Variants in FSHR observed in about 807,000 individuals in gnomAD.
FSHR encodes follicle stimulating hormone receptor.
A neutral mutation model predicts 52.1 loss-of-function variants in FSHR; 46 were observed. The observed-to-expected ratio is 0.88, with a 90% CI of 0.70 to 1.13. The LOEUF (loss-of-function observed/expected upper bound fraction) is 1.13. FSHR is among the 50% of genes most tolerant of loss of function. FSHR has a pLI of 0.00. For synonymous variants in FSHR, 399 were observed against 309.6 expected, an observed-to-expected ratio of 1.29 and a Z score of -3.03; for missense variants, 964 against 834.6, an observed-to-expected ratio of 1.16 and a Z score of -1.91.
chr2:49,025,730 C>G (rs72827275), intron 2 of FSHR, among the ~76,000 whole-genome samples: 8,319 of 152,192 alleles, frequency 0.055, 287 homozygotes, highest in Non-Finnish European at 0.066. Flanking sequence ...TAGAGAAATT[C>G]AGGTTATTCC....
chr2:49,140,107 G>C (rs1326046482), intron 1 of FSHR, among the ~76,000 whole-genome samples: 1 of 152,108 alleles, frequency 6.6e-6, no homozygotes, highest in Non-Finnish European at 1.5e-5. Context: ...CATCACATCT[G>C]ACGTAGTTTG....
At chr2:49,094,754 A>T (rs1414602659) in intron 1 of FSHR, among the ~76,000 whole-genome samples, 2 of 152,116 alleles carry the variant, frequency 1.3e-5, no homozygotes, top group Non-Finnish European at 2.9e-5. Flanking sequence ...AACTTTAAGA[A>T]ATTAGAGAAA....
chr2:48,998,362 A>G (rs961807336), intron 4 of FSHR, among the ~76,000 whole-genome samples: 3 of 152,160 alleles, frequency 2.0e-5, no homozygotes, highest in Non-Finnish European at 4.4e-5. Flanking sequence ...TATTGCTGAA[A>G]GTGATGTATG....
At chr2:49,116,993 G>A (rs1042037475) in intron 1 of FSHR, among the ~76,000 whole-genome samples, 1 of 152,210 alleles carries the variant, frequency 6.6e-6, no homozygotes, top group Non-Finnish European at 1.5e-5. Context: ...AAGCTTGGGA[G>A]AGGGAAGCAT....
chr2:49,021,859 CTCTCTATA>C (rs1434730602), intron 2 of FSHR, among the ~76,000 whole-genome samples: 5 of 38,378 alleles, frequency 1.3e-4, no homozygotes, highest in East Asian at 2.0e-3. Flanking sequence ...CTCTCTCTCT[CTCTCTATA>C]TATATATATA....
rs1198964494 is a variant in FSHR, at chr2:49,048,950, C to T, written c.224+19269G>A. 5.9e-5 allele frequency among the ~76,000 whole-genome samples: 9 copies of T among 151,934 alleles called. No individual in the cohort carries two copies. The East Asian group carries it at 1.7e-3, about 29-fold the overall frequency. On this transcript the variant is annotated intron_variant, in intron 2 of 9. Coordinates refer to ENST00000406846, the MANE Select transcript of FSHR (RefSeq NM_000145.4). Reference sequence around the variant, plus strand: ...AAGCATCTTATTAAGTCATACACAGCCCAGATGGATGTGGTTGTGATGGGC... The same window carrying T: ...AAGCATCTTATTAAGTCATACACAGTCCAGATGGATGTGGTTGTGATGGGC...
intron 1 of FSHR, among the ~76,000 whole-genome samples, chr2:49,108,538 C>A (rs1671316522): frequency 6.6e-6 from 1 of 152,118 alleles, no homozygotes; most frequent in Admixed American, 6.6e-5. Context: ...GATCTGGCTG[C>A]AAACTAGGCA....
At chr2:49,038,582 G>A (rs912084106) in intron 2 of FSHR, among the ~76,000 whole-genome samples, 2 of 147,108 alleles carry the variant, frequency 1.4e-5, no homozygotes, top group South Asian at 2.2e-4. Flanking sequence ...CCGAGATCGC[G>A]CCACTGCACT....
At chr2:49,048,779 T>C (rs1668751615) in intron 2 of FSHR, among the ~76,000 whole-genome samples, 1 of 152,140 alleles carries the variant, frequency 6.6e-6, no homozygotes, top group Admixed American at 6.6e-5. Flanking sequence ...AAACACATCT[T>C]TGGTCATTTG....
At chr2:49,093,718 C>A (rs1221559827) in intron 1 of FSHR, among the ~76,000 whole-genome samples, 3 of 151,778 alleles carry the variant, frequency 2.0e-5, no homozygotes, top group African/African-American at 7.3e-5. Context: ...CCTCAGCCAC[C>A]CAAGCAGCTA....
intron 2 of FSHR, among the ~76,000 whole-genome samples, chr2:49,034,745 C>T (rs985854581): frequency 6.6e-6 from 1 of 152,128 alleles, no homozygotes; most frequent in Non-Finnish European, 1.5e-5. Context: ...TCCCTTTTCT[C>T]CTTGCCATTA....
At chr2:48,975,799 G>A (rs1380590786) in intron 8 of FSHR, among the ~76,000 whole-genome samples, 2 of 152,136 alleles carry the variant, frequency 1.3e-5, no homozygotes, top group East Asian at 1.9e-4. Context: ...GTCTATTATT[G>A]GTGTATAGGA....
chr2:49,031,379 A>G (rs879919543), intron 2 of FSHR, among the ~76,000 whole-genome samples: 1 of 152,208 alleles, frequency 6.6e-6, no homozygotes, highest in South Asian at 2.1e-4. Context: ...TGTTTTTCCA[A>G]TGACCCTGAA....
intron 6 of FSHR, among the ~76,000 whole-genome samples, chr2:48,986,126 C>G (rs965982670): frequency 5.3e-5 from 8 of 152,116 alleles, no homozygotes; most frequent in African/African-American, 1.9e-4. Context: ...TTGTGATCCT[C>G]TCTCTCCTCC....
intron 2 of FSHR, among the ~76,000 whole-genome samples, chr2:49,028,156 G>A (rs983162846): frequency 1.7e-4 from 26 of 152,224 alleles, no homozygotes; most frequent in African/African-American, 6.0e-4. Flanking sequence ...GACAGGGACA[G>A]TAAAGTGGCC....
intron 1 of FSHR, among the ~76,000 whole-genome samples, chr2:49,103,411 G>T (rs375924215): frequency 4.6e-5 from 7 of 152,264 alleles, no homozygotes; most frequent in African/African-American, 1.7e-4. Context: ...ACAAACGTAA[G>T]GCCTATTTCA....
intron 4 of FSHR, among the ~76,000 whole-genome samples, chr2:49,015,285 T>C (rs1446854962): frequency 6.6e-6 from 1 of 152,194 alleles, no homozygotes; most frequent in Non-Finnish European, 1.5e-5. Context: ...CTTCCTCTTT[T>C]TGAACCCTTG....
At position 49,076,307 on chromosome 2, in the gene FSHR, G is replaced by A. The variant is rs767724793; in HGVS notation, c.153-8017C>T. On this transcript the variant is annotated intron_variant, in intron 1 of 9. Coordinates refer to ENST00000406846, the MANE Select transcript of FSHR (RefSeq NM_000145.4). Reference sequence around the variant, plus strand: ...AGGCCTCACAATCATGACAGAAGGCGAGGAGCAAGTCATGTTCTACATGGA... The same window carrying A: ...AGGCCTCACAATCATGACAGAAGGCAAGGAGCAAGTCATGTTCTACATGGA... 7.9e-5 allele frequency among the ~76,000 whole-genome samples: 12 copies of A among 152,332 alleles called. 1 individual carries two copies. The highest frequency in any genetic ancestry group is 7.7e-4 in the East Asian group (4 of 5,180).
chr2:49,132,968 TA>T (rs34913428), intron 1 of FSHR, among the ~76,000 whole-genome samples: 11,806 of 48,252 alleles, frequency 0.24, 1,315 homozygotes, highest in Admixed American at 0.27. Context: ...TAAAACTCAG[TA>T]AAAAAAAAAA....
Sources: gnomAD v4.1 joint callset for allele counts (sites outside exome capture counted in the v4.1 genomes callset) on GRCh38, gnomAD v4.1.1 for gene constraint, MANE v1.5 for transcripts, NCBI Gene and HGNC (gene_info 2026-07-23, HGNC 2026-07-21) for gene names.